CMKLR2: variants seen among roughly 807,000 people sequenced by gnomAD.
CMKLR2 encodes the protein chemerin chemokine-like receptor 2, also known as chemerin-like receptor 2.
In CMKLR2, 18 loss-of-function variants were observed where a neutral mutation model predicts 23.0. The ratio of observed to expected loss-of-function variants is 0.78; its 90% CI spans 0.54 to 1.16. CMKLR2 has a LOEUF of 1.16. Ranked by LOEUF, CMKLR2 falls within the 50% of genes most tolerant of loss-of-function variation. The pLI is 0.00. For synonymous variants in CMKLR2, 158 were observed against 158.9 expected, an observed-to-expected ratio of 0.99 and a Z score of 0.05; for missense variants, 401 against 412.7, an observed-to-expected ratio of 0.97 and a Z score of 0.25.
At chr2:206,186,278 A>AT (rs1372659825) in intron 1 of CMKLR2, among the ~76,000 whole-genome samples, 5 of 151,766 alleles carry the variant, frequency 3.3e-5, no homozygotes, top group East Asian at 3.9e-4. Flanking sequence ...TGCCTGGCTA[A>AT]TTTTTTGTGT....
chr2:206,206,429 C>T (rs1471221572), intron 1 of CMKLR2, among the ~76,000 whole-genome samples: 1 of 152,130 alleles, frequency 6.6e-6, no homozygotes, highest in East Asian at 1.9e-4. Flanking sequence ...CATATAGTAA[C>T]CAAAAATTTA....
At chr2:206,211,391 C>T (rs1479023692) in intron 1 of CMKLR2, among the ~76,000 whole-genome samples, 1 of 152,190 alleles carries the variant, frequency 6.6e-6, no homozygotes, top group Non-Finnish European at 1.5e-5. Flanking sequence ...GTGGCACGAT[C>T]TTAGCTCACC....
chr2:206,206,287 T>A lies in CMKLR2; in HGVS notation c.-29+7020A>T, dbSNP rs558265926. Among the ~76,000 whole-genome samples, 6 of 152,344 alleles carry A rather than the reference T, an allele frequency of 3.9e-5. No individual in the cohort carries two copies. In the Middle Eastern group the frequency reaches 0.01, roughly 259 times the overall value. ...GGGATAAAATCATTCTAAAGGTGGA[T>A]GGTTTTATTTTGAATACAGTTAATA... On this transcript the variant is annotated intron_variant, in intron 1 of 1. Transcript: ENST00000621141.
upstream of CMKLR2, among the ~76,000 whole-genome samples, chr2:206,216,595 G>A (rs989315936): frequency 6.6e-6 from 1 of 152,296 alleles, no homozygotes; most frequent in East Asian, 1.9e-4. Flanking sequence ...ACAGGTTTTT[G>A]ACAGAAGAAT....
At chr2:206,197,498 A>G (rs1688959030) in intron 1 of CMKLR2, among the ~76,000 whole-genome samples, 1 of 152,180 alleles carries the variant, frequency 6.6e-6, no homozygotes, top group African/African-American at 2.4e-5. Context: ...TTAACCCAGT[A>G]TCTTGCTGTA....
At position 206,176,137 on chromosome 2, in the gene CMKLR2, C is replaced by A; in HGVS notation, c.*43G>T. 3 of 1,350,714 alleles carry A rather than the reference C, an allele frequency of 2.2e-6. No homozygotes were observed. Among genetic ancestry groups the A allele is most frequent in the Non-Finnish European group, 3.1e-6 (3 of 978,548 alleles). 83.7% of individuals were successfully genotyped at this position (1,350,714 alleles called of 1,614,324 possible). On this transcript the variant is annotated 3_prime_UTR_variant, in exon 2 of 2. Transcript: ENST00000621141. ...TAATCTGAAAGCATCAGTCAGAGGA[C>A]CCACATAAAAAGCCATATACTGATT...
At chr2:206,204,936 A>G (rs1689257401) in intron 1 of CMKLR2, among the ~76,000 whole-genome samples, 1 of 152,226 alleles carries the variant, frequency 6.6e-6, no homozygotes, top group East Asian at 1.9e-4. Context: ...AGATTTGTGT[A>G]GATTAGTTCA....
At chr2:206,188,179 C>T (rs144486801) in intron 1 of CMKLR2, among the ~76,000 whole-genome samples, 90 of 152,226 alleles carry the variant, frequency 5.9e-4, no homozygotes, top group African/African-American at 2.0e-3. Context: ...AGTGCTCCAT[C>T]CCCTTTGACC....
At chr2:206,201,768 T>C (rs941453118) in intron 1 of CMKLR2, among the ~76,000 whole-genome samples, 7 of 152,184 alleles carry the variant, frequency 4.6e-5, no homozygotes, top group African/African-American at 1.7e-4. Flanking sequence ...TGTTCTTTTC[T>C]GGGAATTACA....
chr2:206,181,182 C>A (rs1185970133), intron 1 of CMKLR2, among the ~76,000 whole-genome samples: 4 of 151,784 alleles, frequency 2.6e-5, no homozygotes, highest in African/African-American at 9.7e-5. Context: ...CTCAGCCTCC[C>A]AAGTACCTGG....
chr2:206,187,928 CT>C (rs1688632649), intron 1 of CMKLR2, among the ~76,000 whole-genome samples: 2 of 152,006 alleles, frequency 1.3e-5, no homozygotes, highest in African/African-American at 4.8e-5. Flanking sequence ...GACAGAGTCT[CT>C]TTCTGTCATT....
intron 1 of CMKLR2, among the ~76,000 whole-genome samples, chr2:206,197,758 A>C (rs1688966007): frequency 6.6e-6 from 1 of 151,910 alleles, no homozygotes; most frequent in African/African-American, 2.4e-5. Flanking sequence ...AGAACTCTTG[A>C]GCTCAAGCAA....
Position 206,176,919 on chromosome 2 carries a change from C to T in CMKLR2, c.329G>A (p.Cys110Tyr). The T allele has an allele frequency of 6.2e-7, 1 of 1,614,204 alleles. No individual in the cohort carries two copies. Among genetic ancestry groups the T allele is most frequent in the Non-Finnish European group, 8.5e-7 (1 of 1,180,040 alleles). The change falls in exon 2 of 2, where the codon TGC becomes TAC. Residue 110 changes from cysteine to tyrosine, a missense_variant. Transcript: ENST00000621141. ...CTGGGCAGTGAAGGAATTGGCTTTG[C>T]ACAGCCAGATGCCAAAGGGCCAGTG... ...NFHWPFGIWL[C>Y]KANSFTAQLN... is the part of the protein sequence containing the mutation.
intron 1 of CMKLR2, among the ~76,000 whole-genome samples, chr2:206,193,326 T>C (rs1688812087): frequency 1.3e-5 from 2 of 152,360 alleles, no homozygotes; most frequent in African/African-American, 4.8e-5. Flanking sequence ...CTTGAAATCC[T>C]GACCTCAGGT....
At chr2:206,201,764 T>C (rs564888030) in intron 1 of CMKLR2, among the ~76,000 whole-genome samples, 1 of 152,316 alleles carries the variant, frequency 6.6e-6, no homozygotes, top group East Asian at 1.9e-4. Context: ...ACTGTGTTCT[T>C]TTCTGGGAAT....
At chr2:206,200,371 C>T (rs976501990) in intron 1 of CMKLR2, among the ~76,000 whole-genome samples, 9 of 152,036 alleles carry the variant, frequency 5.9e-5, no homozygotes, top group Non-Finnish European at 8.8e-5. Context: ...TGCGGTGAGC[C>T]GAGATGGCGC....
At chr2:206,187,239 T>A (rs768490033) in intron 1 of CMKLR2, among the ~76,000 whole-genome samples, 4 of 151,904 alleles carry the variant, frequency 2.6e-5, no homozygotes, top group Non-Finnish European at 5.9e-5. Flanking sequence ...TGAGCTGAGA[T>A]CACACCACTG....
intron 1 of CMKLR2, chr2:206,203,286 G>T (rs1024865237): frequency 7.2e-6 from 1 of 138,898 alleles, no homozygotes; most frequent in Non-Finnish European, 1.5e-5. Context: ...CCAAGATCGC[G>T]CCATTGCACT....
chr2:206,185,301 A>G (rs945215802), intron 1 of CMKLR2, among the ~76,000 whole-genome samples: 16 of 152,198 alleles, frequency 1.1e-4, no homozygotes, highest in African/African-American at 3.6e-4. Context: ...TTAGCTTTCA[A>G]TAAGGTGGTC....
Sources: gnomAD v4.1 joint callset for allele counts (sites outside exome capture counted in the v4.1 genomes callset) on GRCh38, gnomAD v4.1.1 for gene constraint, MANE v1.5 for transcripts, NCBI Gene and HGNC (gene_info 2026-07-23, HGNC 2026-07-21) for gene names.